CEP290: variants seen among roughly 807,000 people sequenced by gnomAD.
CEP290 encodes the protein centrosomal protein 290.
CEP290 carries 317 observed loss-of-function variants against 344.9 expected under a neutral mutation model. The observed-to-expected ratio is 0.92, with a 90% CI of 0.84 to 1.01. The LOEUF is 1.01. CEP290 is among the 50% of genes least tolerant of loss of function. The pLI is 0.00. For missense variants in CEP290, 2,754 were observed against 2,761.4 expected (o/e 1.00, Z 0.06); for synonymous variants, 932 against 895.8 (o/e 1.04, Z -0.72).
intron 46 of CEP290, among the ~76,000 whole-genome samples, 195 bp downstream of exon 46, chr12:88,062,497 T>C (rs967720148): frequency 6.6e-6 from 1 of 152,166 alleles, no homozygotes; most frequent in African/African-American, 2.4e-5. Context: ...TGAAAGTATG[T>C]AAGGTATAAC....
At chr12:88,117,333 A>T (rs2039115554) in intron 17 of CEP290, among the ~76,000 whole-genome samples, 188 bp from the exon 18 acceptor site, 1 of 152,230 alleles carries the variant, frequency 6.6e-6, no homozygotes, top group Admixed American at 6.5e-5. Flanking sequence ...AACTATTAAT[A>T]ATGTGAGAAC....
At chr12:88,068,119 C>T (rs1196217456) in intron 44 of CEP290, among the ~76,000 whole-genome samples, 1 of 151,892 alleles carries the variant, frequency 6.6e-6, no homozygotes, top group South Asian at 2.1e-4. Flanking sequence ...TTTAAAAAAT[C>T]CAACAAATAA....
Position 88,120,120 on chromosome 12 carries a change from G to A in CEP290, c.1516C>T (p.Arg506Cys), listed in dbSNP as rs368427967. The A allele has an allele frequency of 1.2e-5, 19 of 1,526,478 alleles. No individual in the cohort carries two copies. Among genetic ancestry groups the A allele is most frequent in the Non-Finnish European group, 1.5e-5 (17 of 1,135,126 alleles). The allele number at this position is 1,526,478 out of a possible 1,614,324, so 94.6% of individuals were successfully genotyped here. ...AACTTAAAACATGGCTTACCCACAC[G>A]CTCTCTAAGTGCCTCATTTTCATCA... The part of the protein sequence containing the change: ...FLDENEALRE[R>C]VGLEPKTMID... Residue 506 changes from arginine (R) to cysteine (C), a missense_variant, in exon 15 of 54, where the codon CGT becomes TGT. By Grantham distance (180) the Arg-to-Cys change is radical. Coordinates refer to ENST00000552810, the MANE Select transcript of CEP290 (RefSeq NM_025114.4).
chr12:88,113,560 G>T (rs2038842159), intron 20 of CEP290, among the ~76,000 whole-genome samples: 1 of 151,582 alleles, frequency 6.6e-6, no homozygotes, highest in Non-Finnish European at 1.5e-5. Context: ...TAAATAATAA[G>T]AATTTTTTTC....
At position 88,141,000 on chromosome 12, in the gene CEP290, C is replaced by T. The variant is rs1018550969; in HGVS notation, c.136G>A (p.Glu46Lys). Residue 46 changes from glutamate to lysine, a missense_variant, in exon 3 of 54, where the codon GAA becomes AAA. Coordinates refer to ENST00000552810, the MANE Select transcript of CEP290 (RefSeq NM_025114.4). ...EVNELKSEKQ[E>K]NVIHLFRITQ... Reference sequence around the variant, plus strand: ...ATTCTGAAAAGGTGTATCACATTTTCTTGCTTTTCACTTTTTAGCTCATTT... The same window carrying T: ...ATTCTGAAAAGGTGTATCACATTTTTTTGCTTTTCACTTTTTAGCTCATTT... 1.3e-6 allele frequency: 2 copies of T among 1,590,746 alleles called. No homozygotes were observed. The highest frequency in any genetic ancestry group is 1.7e-6 in the Non-Finnish European group (2 of 1,171,142).
At chr12:88,062,858 C>G in intron 45 of CEP290, 80 bp from the exon 46 acceptor site, 1 of 855,960 alleles carries the variant, frequency 1.2e-6, no homozygotes, top group Admixed American at 2.2e-5. Flanking sequence ...TTCATAAGAA[C>G]CATCAATCTC....
Position 88,095,381 on chromosome 12 carries a change from C to T in CEP290, c.3104-1406G>A, listed in dbSNP as rs546949328. On this transcript the variant is annotated intron_variant, in intron 27 of 53. Transcript: ENST00000552810. ...ATAAGGGCAACAGGGAATAGGGAAA[C>T]ACTCTTAAAACTTCGGTGATATAAA... Among the ~76,000 whole-genome samples the T allele has an allele frequency of 2.6e-5, 4 of 152,144 alleles. No homozygotes were observed. The South Asian group carries it at 6.2e-4, about 24-fold the overall frequency.
intron 43 of CEP290, 95 bp from the exon 44 acceptor site, chr12:88,068,740 T>C: frequency 7.9e-7 from 1 of 1,270,878 alleles, no homozygotes; most frequent in Non-Finnish European, 1.1e-6. Flanking sequence ...AAAAGTTCAG[T>C]GTGTTTATTA....
chr12:88,098,432 A>AG, intron 26 of CEP290, among the ~76,000 whole-genome samples: 1 of 152,200 alleles, frequency 6.6e-6, no homozygotes, highest in Non-Finnish European at 1.5e-5. Flanking sequence ...CAACAAAGTG[A>AG]GACCTCATCT....
chr12:88,108,728 A>G (rs1191041653), intron 23 of CEP290, among the ~76,000 whole-genome samples: 1 of 152,240 alleles, frequency 6.6e-6, no homozygotes. Flanking sequence ...TAATTCATTT[A>G]CGTTTTACAA....
At chr12:88,111,525 C>A (rs1040898137) in intron 21 of CEP290, among the ~76,000 whole-genome samples, 169 bp downstream of exon 21, 15 of 152,116 alleles carry the variant, frequency 9.9e-5, no homozygotes, top group African/African-American at 3.4e-4. Flanking sequence ...TCTTATAAGG[C>A]ACTTATTTTC....
intron 28 of CEP290, 69 bp downstream of exon 28, chr12:88,093,701 A>AAT: frequency 8.3e-7 from 1 of 1,200,510 alleles, no homozygotes; most frequent in Non-Finnish European, 1.2e-6. Flanking sequence ...ACCACTTAAC[A>AAT]ATAATACAAT....
At chr12:88,098,920 A>C (rs2037666701) in intron 26 of CEP290, among the ~76,000 whole-genome samples, 1 of 152,190 alleles carries the variant, frequency 6.6e-6, no homozygotes, top group South Asian at 2.1e-4. Flanking sequence ...TAAAACATGA[A>C]GTTGGAGAGA....
intron 12 of CEP290, among the ~76,000 whole-genome samples, chr12:88,125,746 C>T (rs961299712): frequency 1.3e-5 from 2 of 151,898 alleles, no homozygotes; most frequent in African/African-American, 4.8e-5. Context: ...GCTTTTTCCC[C>T]TTTCGTACTT....
Position 88,118,758 on chromosome 12 carries a change from A to C in CEP290, c.1523-15T>G. ...TGGTTCAAGGCCTACAATAGAAAGC[A>C]ATATAATTAAAAACTTAAAAACATT... is the stretch of plus-strand genomic sequence containing the variant. On this transcript the variant is annotated splice_polypyrimidine_tract_variant and intron_variant, in intron 15 of 53. Coordinates refer to ENST00000552810, the MANE Select transcript of CEP290 (RefSeq NM_025114.4). 2 of 1,568,646 alleles carry C rather than the reference A, an allele frequency of 1.3e-6. No individual in the cohort carries two copies. Among genetic ancestry groups the C allele is most frequent in the Non-Finnish European group, 1.7e-6 (2 of 1,152,740 alleles).
rs528952227 is a variant in CEP290, at chr12:88,088,405, C to T, written c.4030-461G>A. On this transcript the variant is annotated intron_variant, in intron 31 of 53. Coordinates refer to ENST00000552810, the MANE Select transcript of CEP290 (RefSeq NM_025114.4). ...CTTGTAGATCAAAGATAATTATGAA[C>T]AGTAGAAATCAACTGATAACTACTA... Among the ~76,000 whole-genome samples, 9 of 152,106 alleles carry T rather than the reference C, an allele frequency of 5.9e-5. No individual in the cohort carries two copies. The South Asian group carries it at 1.9e-3, about 32-fold the overall frequency.
intron 39 of CEP290, 80 bp downstream of exon 39, chr12:88,079,003 CATCAACAAA>C (rs1480713781): frequency 7.8e-6 from 9 of 1,152,590 alleles, no homozygotes; most frequent in Non-Finnish European, 1.0e-5. Flanking sequence ...ATTCCCTATT[CATCAACAAA>C]ATTACTATAT....
chr12:88,126,128 G>A lies in CEP290; in HGVS notation c.1065+188C>T, dbSNP rs567888555. Among the ~76,000 whole-genome samples the A allele has an allele frequency of 4.6e-5, 7 of 152,036 alleles. No individual in the cohort carries two copies. The East Asian group carries it at 5.8e-4, about 13-fold the overall frequency. ...GTAACTCTAGTTCTAAGTCTAATCC[G>A]TGATCTAAACTTAATTCTAATTTTT... On this transcript the variant is annotated intron_variant, in intron 12 of 53. Transcript: ENST00000552810.
At chr12:88,076,261 T>C (rs2035764148) in intron 41 of CEP290, among the ~76,000 whole-genome samples, 1 of 152,166 alleles carries the variant, frequency 6.6e-6, no homozygotes, top group African/African-American at 2.4e-5. Flanking sequence ...GTCAATAAAT[T>C]ACACTGACAT....
Sources: allele counts gnomAD v4.1 joint callset (sites outside exome capture counted in the v4.1 genomes callset), GRCh38; gene constraint gnomAD v4.1.1; transcripts MANE v1.5; gene names NCBI Gene and HGNC (gene_info 2026-07-23, HGNC 2026-07-21).